TBC1D24: variants seen among roughly 807,000 people sequenced by gnomAD.
TBC1D24 encodes the protein TBC1 domain family member 24.
TBC1D24 carries 47 observed loss-of-function variants against 50.7 expected under a neutral mutation model. That is an observed-to-expected ratio of 0.93 (90% CI 0.73 to 1.18). TBC1D24 has a LOEUF of 1.18. Ranked by LOEUF, TBC1D24 falls within the 50% of genes most tolerant of loss-of-function variation. The pLI is 0.00. For missense variants in TBC1D24, 688 were observed against 766.5 expected (o/e 0.90, Z 1.21); for synonymous variants, 324 against 335.2 (o/e 0.97, Z 0.36).
chr16:2,484,017 G>C (rs1036286833), intron 1 of TBC1D24: 1 of 152,198 alleles, frequency 6.6e-6, no homozygotes, highest in Admixed American at 6.5e-5. Flanking sequence ...GAATGGGATC[G>C]CCAGAGGAGC....
rs560812926 is a variant in TBC1D24, at chr16:2,501,023, G to A, written c.*65G>A. ...GGCCGAGGCTGGGCTGCCGCCTCGG[G>A]CAGCAGAGAGCAGATGAAACCCCCA... On this transcript the variant is annotated 3_prime_UTR_variant, in exon 8 of 8. Transcript: ENST00000646147. The A allele has an allele frequency of 2.5e-4, 391 of 1,586,004 alleles. No homozygotes were observed. The highest frequency in any genetic ancestry group is 3.1e-4 in the Admixed American group (18 of 58,210).
Position 2,501,542 on chromosome 16 carries a change from C to G in TBC1D24, c.*584C>G, listed in dbSNP as rs1193136006. The G allele has an allele frequency of 6.5e-6, 1 of 154,990 alleles. No homozygotes were observed. Among genetic ancestry groups the G allele is most frequent in the African/African-American group, 2.4e-5 (1 of 41,486 alleles). 9.6% of individuals were successfully genotyped at this position (154,990 alleles called of 1,614,324 possible). On this transcript the variant is annotated 3_prime_UTR_variant, in exon 8 of 8. Transcript: ENST00000646147. ...GTTTGCCCCAGTTCCCTCCCCAGGC[C>G]TCCTGGGCCACCTCTCACATTAACC...
chr16:2,497,418 C>G (rs933505204), intron 2 of TBC1D24, among the ~76,000 whole-genome samples: 38 of 152,358 alleles, frequency 2.5e-4, no homozygotes, highest in Middle Eastern at 3.4e-3. Flanking sequence ...AGGGCAGCCT[C>G]TGCTCCACCC....
chr16:2,499,964 C>T lies in TBC1D24; in HGVS notation c.1302+34C>T, dbSNP rs770749164. On this transcript the variant is annotated intron_variant, in intron 6 of 7. Transcript: ENST00000646147. This position sits in a 1 kb window ranked among gnomAD's most constrained non-coding sequence, Gnocchi z 4.0. ...GGCCAAGTGTCCCCAAACCCCCACG[C>T]AGACCCTGTAGCTGCATCCCTCCAG... The T allele has an allele frequency of 6.9e-6, 11 of 1,590,760 alleles. No individual in the cohort carries two copies. In the South Asian group the frequency reaches 1.2e-4, roughly 18 times the overall value.
Position 2,500,533 on chromosome 16 carries a change from C to T in TBC1D24, c.1525+43C>T, listed in dbSNP as rs551198903. 8 of 1,525,606 alleles carry T rather than the reference C, an allele frequency of 5.2e-6. No homozygotes were observed. The East Asian group carries it at 1.7e-4, about 33-fold the overall frequency. 94.5% of individuals were successfully genotyped at this position (1,525,606 alleles called of 1,614,324 possible). A position where few individuals can be genotyped will look rare whatever the true frequency, so the allele number is the denominator to read the frequency against. Reference sequence around the variant, plus strand: ...GGGCTCTGGGATGAGGGTGTGGGGTCCGGGCAGCTGAAGCTGCTGCACCCA... The same window carrying T: ...GGGCTCTGGGATGAGGGTGTGGGGTTCGGGCAGCTGAAGCTGCTGCACCCA... On this transcript the variant is annotated intron_variant, in intron 7 of 7. Transcript: ENST00000646147. The surrounding 1 kb of genome is among the most constrained non-coding windows in gnomAD (Gnocchi z 8.0).
chr16:2,488,657 G>A (rs1377210912), intron 1 of TBC1D24, among the ~76,000 whole-genome samples: 42 of 150,704 alleles, frequency 2.8e-4, no homozygotes, highest in Non-Finnish European at 5.3e-4. Flanking sequence ...GACTACAGGC[G>A]CCCGCCACCA....
intron 1 of TBC1D24, chr16:2,478,579 T>C: frequency 6.6e-6 from 1 of 152,406 alleles, no homozygotes. Flanking sequence ...GGGGACTGGG[T>C]TGGGTCTTCC....
chr16:2,503,398 C>G lies in TBC1D24; in HGVS notation c.*2440C>G, dbSNP rs1251789923. 6.6e-6 allele frequency: 1 copy of G among 151,006 alleles called. No individual in the cohort carries two copies. The highest frequency in any genetic ancestry group is 1.5e-5 in the Non-Finnish European group (1 of 67,852). The allele number at this position is 151,006 out of a possible 1,614,324, so 9.4% of individuals were successfully genotyped here. A position where few individuals can be genotyped will look rare whatever the true frequency, so the allele number is the denominator to read the frequency against. On this transcript the variant is annotated 3_prime_UTR_variant, in exon 8 of 8. Coordinates refer to ENST00000646147, the MANE Select transcript of TBC1D24 (RefSeq NM_001199107.2). ...ACATAATTTATTTTGTTAATGTTCTCTATTTCTTCTTGATTATTTATTAGC... is the reference window on the plus strand; with the variant it reads ...ACATAATTTATTTTGTTAATGTTCTGTATTTCTTCTTGATTATTTATTAGC...
chr16:2,497,579 C>T (rs547084154), intron 2 of TBC1D24, 131 bp from the exon 3 acceptor site: 51 of 877,552 alleles, frequency 5.8e-5, no homozygotes, highest in South Asian at 1.6e-4. Context: ...TGCCACGCTG[C>T]GGCCTGTTGG....
chr16:2,503,240 C>T lies in TBC1D24; in HGVS notation c.*2282C>T, dbSNP rs1474462140. Reference sequence around the variant, plus strand: ...AAGTTCTTTGTTTTTTGTGTGCATGCAAAATATTGTTTCTTTAAATTTAAT... The same window carrying T: ...AAGTTCTTTGTTTTTTGTGTGCATGTAAAATATTGTTTCTTTAAATTTAAT... On this transcript the variant is annotated 3_prime_UTR_variant, in exon 8 of 8. Transcript: ENST00000646147. 6.6e-6 allele frequency: 1 copy of T among 152,188 alleles called. No homozygotes were observed. The highest frequency in any genetic ancestry group is 1.5e-5 in the Non-Finnish European group (1 of 68,014). The allele number at this position is 152,188 out of a possible 1,614,324, so 9.4% of individuals were successfully genotyped here.
chr16:2,476,706 A>G (rs1257433677), intron 1 of TBC1D24: 1 of 152,294 alleles, frequency 6.6e-6, no homozygotes, highest in Non-Finnish European at 1.5e-5. Context: ...GTTGAAGTGG[A>G]TCAAGGTCCT....
rs775497984 is a variant in TBC1D24 at position 2,500,286 on chromosome 16, C to T, written c.1321C>T (p.Arg441Cys). Residue 441 changes from arginine (R) to cysteine (C), a missense_variant, in exon 7 of 8, where the codon CGC (arginine) becomes TGC (cysteine). Arg to Cys is a radical substitution (Grantham distance 180, BLOSUM62 -3). Coordinates refer to ENST00000646147, the MANE Select transcript of TBC1D24 (RefSeq NM_001199107.2). The surrounding 1 kb of genome is among the most constrained non-coding windows in gnomAD (Gnocchi z 8.0). ...FVFRLQPEVQ[R>C]YEWVVIKHPE... is the part of the protein sequence containing the mutation. ...ACCCCAGCTGCAGCCTGAGGTGCAGCGCTACGAGTGGGTGGTGATCAAGCA... is the reference window on the plus strand; with the variant it reads ...ACCCCAGCTGCAGCCTGAGGTGCAGTGCTACGAGTGGGTGGTGATCAAGCA... The T allele has an allele frequency of 1.8e-5, 29 of 1,607,462 alleles. No homozygotes were observed. Among genetic ancestry groups the T allele is most frequent in the East Asian group, 2.2e-5 (1 of 44,608 alleles).
chr16:2,499,620 C>T lies in TBC1D24; in HGVS notation c.1206+200C>T, dbSNP rs1485218233. ...GGAAATGAGACTATCCCCAACACAGCCCCCGCCCACCCTCATTGCCAGCCC... is the reference window on the plus strand; with the variant it reads ...GGAAATGAGACTATCCCCAACACAGTCCCCGCCCACCCTCATTGCCAGCCC... On this transcript the variant is annotated intron_variant, in intron 5 of 7. Transcript: ENST00000646147. The surrounding 1 kb of genome is among the most constrained non-coding windows in gnomAD (Gnocchi z 4.0). Among the ~76,000 whole-genome samples the T allele has an allele frequency of 6.6e-6, 1 of 152,118 alleles. No homozygotes were observed. The highest frequency in any genetic ancestry group is 2.4e-5 in the African/African-American group (1 of 41,428).
rs1212047932 is a variant in TBC1D24 at position 2,504,411 on chromosome 16, TC to T, written c.*3456del. 1 of 147,128 alleles carries T rather than the reference TC, an allele frequency of 6.8e-6. No homozygotes were observed. The highest frequency in any genetic ancestry group is 2.0e-4 in the East Asian group (1 of 5,014). 9.1% of individuals were successfully genotyped at this position (147,128 alleles called of 1,614,324 possible). On this transcript the variant is annotated 3_prime_UTR_variant, in exon 8 of 8. Transcript: ENST00000646147. ...CTAAACCACAGGCCTATTGAGATTG[TC>T]CCTTTTTTTTTTTTTTTTTTTTTTG...
chr16:2,495,572 G>A lies in TBC1D24; in HGVS notation c.-115-462G>A, dbSNP rs141712214. 6.3e-3 allele frequency among the ~76,000 whole-genome samples: 961 copies of A among 152,318 alleles called. 7 individuals carry two copies. Among genetic ancestry groups the A allele is most frequent in the Middle Eastern group, 0.024 (7 of 294 alleles). On this transcript the variant is annotated intron_variant, in intron 1 of 7. Transcript: ENST00000646147. ...AGGCAGGCACATCACAAGGTCAGGA[G>A]TTTGAGACCAGCCTGACCAACATGG...
Position 2,500,965 on chromosome 16 carries a change from G to A in TBC1D24, c.*7G>A, listed in dbSNP as rs770293629. On this transcript the variant is annotated 3_prime_UTR_variant, in exon 8 of 8. Coordinates refer to ENST00000646147, the MANE Select transcript of TBC1D24 (RefSeq NM_001199107.2). This position sits in a 1 kb window ranked among gnomAD's most constrained non-coding sequence, Gnocchi z 8.0. ...GGACCCTGACACCCAGTGACGGCCT[G>A]TGCCACGGTGACTGAGCCGTGGTGG... 6.2e-7 allele frequency: 1 copy of A among 1,608,878 alleles called. No individual in the cohort carries two copies. The highest frequency in any genetic ancestry group is 1.3e-5 in the African/African-American group (1 of 74,924).
Position 2,488,604 on chromosome 16 carries a change from C to T in TBC1D24, c.-115-7430C>T, listed in dbSNP as rs915643800. Among the ~76,000 whole-genome samples, 13 of 148,190 alleles carry T rather than the reference C, an allele frequency of 8.8e-5. No homozygotes were observed. In the East Asian group the frequency reaches 1.2e-3, roughly 14 times the overall value. Reference sequence around the variant, plus strand: ...TCGGCTCACTGGAAGCTCTGCCTCCCGGGTTCACACTACTCTCCTGCCTTA... The same window carrying T: ...TCGGCTCACTGGAAGCTCTGCCTCCTGGGTTCACACTACTCTCCTGCCTTA... On this transcript the variant is annotated intron_variant, in intron 1 of 7. Transcript: ENST00000646147.
At position 2,482,366 on chromosome 16, in the gene TBC1D24, GCT is replaced by G. The variant is rs1043566041; in HGVS notation, c.-116+7199_-116+7200del. On this transcript the variant is annotated intron_variant, in intron 1 of 7. Transcript: ENST00000646147. The surrounding 1 kb of genome is among the most constrained non-coding windows in gnomAD (Gnocchi z 5.2). ...GACAGATGTGGACAGGAGGCGTGGA[GCT>G]CTGTGACGCCTTGGCCCTGCCCCAG... 3.2e-4 allele frequency among the ~76,000 whole-genome samples: 48 copies of G among 152,322 alleles called. No individual in the cohort carries two copies. The highest frequency in any genetic ancestry group is 1.1e-3 in the African/African-American group (45 of 41,568).
At chr16:2,494,047 G>T (rs563601721) in intron 1 of TBC1D24, among the ~76,000 whole-genome samples, 1 of 152,340 alleles carries the variant, frequency 6.6e-6, no homozygotes, top group East Asian at 1.9e-4. Flanking sequence ...AAAGTTAAGA[G>T]CCGGCTTCAG....
Sources: gnomAD v4.1 joint callset for allele counts (sites outside exome capture counted in the v4.1 genomes callset) on GRCh38, gnomAD v4.1.1 for gene constraint, Gnocchi (gnomAD v3.1) non-coding constraint, MANE v1.5 for transcripts, NCBI Gene and HGNC (gene_info 2026-07-23, HGNC 2026-07-21) for gene names.